SLC12A6: variants seen among roughly 807,000 people sequenced by gnomAD.
SLC12A6 encodes the protein solute carrier family 12 member 6.
Under a neutral mutation model 135.3 loss-of-function variants are expected in SLC12A6, and 66 were observed. The observed-to-expected ratio is 0.49, with a 90% confidence interval of 0.40 to 0.60. The LOEUF (loss-of-function observed/expected upper bound fraction) is 0.60. Ranked by LOEUF, SLC12A6 falls within the 20% of genes least tolerant of loss-of-function variation. SLC12A6 has a pLI of 0.00. For synonymous variants in SLC12A6, 513 were observed against 508.8 expected (o/e 1.01, Z -0.11); for missense variants, 1,058 against 1,452.3 (o/e 0.73, Z 4.41).
chr15:34,263,659 G>GA (rs952652853), intron 3 of SLC12A6, among the ~76,000 whole-genome samples: 19 of 146,916 alleles, frequency 1.3e-4, no homozygotes, highest in East Asian at 7.9e-4. Context: ...GGAGAGAAGA[G>GA]AAAAAAAAAC....
In SLC12A6 at chr15:34,230,756, C is replaced by G. The variant is rs1890869973; in HGVS notation, c.*3125G>C. Reference sequence around the variant, plus strand: ...TTGGAGACAGACAACGTAAGCAACACATACACACATGAAATACTCTAGACA... The same window carrying G: ...TTGGAGACAGACAACGTAAGCAACAGATACACACATGAAATACTCTAGACA... On this transcript the variant is annotated 3_prime_UTR_variant, in exon 26 of 26. Transcript: ENST00000354181. 6.6e-6 allele frequency: 1 copy of G among 152,648 alleles called. No individual in the cohort carries two copies. The highest frequency in any genetic ancestry group is 2.4e-5 in the African/African-American group (1 of 41,444). 9.5% of individuals were successfully genotyped at this position (152,648 alleles called of 1,614,324 possible).
chr15:34,316,445 T>C (rs1220650980), intron 2 of SLC12A6, among the ~76,000 whole-genome samples: 1 of 152,208 alleles, frequency 6.6e-6, no homozygotes, highest in Admixed American at 6.5e-5. Flanking sequence ...ATTTCCCTCC[T>C]TCCTACCCTT....
Position 34,238,997 on chromosome 15 carries a change from C to T in SLC12A6, c.2600G>A (p.Ser867Asn), listed in dbSNP as rs1288312808. 6.2e-7 allele frequency: 1 copy of T among 1,614,196 alleles called. No individual in the cohort carries two copies. The highest frequency in any genetic ancestry group is 2.2e-5 in the East Asian group (1 of 44,878). ...VMGWPNGWRQ[S>N]EDARAWKTFI... ...AGTCTTCCAAGCGCGGGCATCTTCGCTTTGACGCCAGCCATTAGGCCAGCC... is the reference window on the plus strand; with the variant it reads ...AGTCTTCCAAGCGCGGGCATCTTCGTTTTGACGCCAGCCATTAGGCCAGCC... The change falls in exon 20 of 26, where the codon AGC becomes AAC. Residue 867 changes from serine (S) to asparagine (N), a missense_variant. Around this residue, in one of 6 missense-constraint regions of SLC12A6, gnomAD observed 245 missense variants for 440.8 expected, o/e 0.56. Transcript: ENST00000354181.
At chr15:34,268,314 G>C (rs1893665163) in intron 3 of SLC12A6, among the ~76,000 whole-genome samples, 1 of 152,150 alleles carries the variant, frequency 6.6e-6, no homozygotes, top group African/African-American at 2.4e-5. Context: ...AAAGGTAGAA[G>C]AATATCCCTG....
At chr15:34,291,522 TTGGCC>T (rs1391973024) in intron 2 of SLC12A6, among the ~76,000 whole-genome samples, 4 of 152,230 alleles carry the variant, frequency 2.6e-5, no homozygotes, top group African/African-American at 9.6e-5. Context: ...AATTTGAATG[TTGGCC>T]TGCCTTGCTA....
intron 2 of SLC12A6, among the ~76,000 whole-genome samples, chr15:34,307,460 A>T (rs1896674842): frequency 6.6e-6 from 1 of 152,182 alleles, no homozygotes; most frequent in Admixed American, 6.5e-5. Context: ...GATAAATACC[A>T]ATTATTTTTC....
chr15:34,335,717 ATGAGCCAGGAG>A (rs1890153283), intron 2 of SLC12A6, among the ~76,000 whole-genome samples: 1 of 152,206 alleles, frequency 6.6e-6, no homozygotes, highest in South Asian at 2.1e-4. Context: ...AGCAGTCAAC[ATGAGCCAGGAG>A]TGGCTTGTGT....
At chr15:34,243,868 T>A (rs374268093) in intron 16 of SLC12A6, 106 bp downstream of exon 16, 2 of 771,442 alleles carry the variant, frequency 2.6e-6, no homozygotes, top group Middle Eastern at 2.3e-4. Context: ...ATGAAATGGC[T>A]GACCAAGAAA....
intron 12 of SLC12A6, 114 bp from the exon 13 acceptor site, chr15:34,250,469 A>C (rs1175546235): frequency 1.2e-6 from 1 of 869,332 alleles, no homozygotes; most frequent in Non-Finnish European, 2.0e-6. Flanking sequence ...ATACTCCTAT[A>C]AATTCTTTTT....
Position 34,336,796 on chromosome 15 carries a change from C to T in SLC12A6, c.-72-44G>A, listed in dbSNP as rs889284166. The T allele has an allele frequency of 4.9e-6, 4 of 820,682 alleles. No homozygotes were observed. In the African/African-American group the frequency reaches 5.1e-5, roughly 10 times the overall value. 50.8% of individuals were successfully genotyped at this position (820,682 alleles called of 1,614,324 possible). Reference sequence around the variant, plus strand: ...CTTGAAAAATAACACATTTCAATAACCTTGATTCACACCACACAAAAAGCC... The same window carrying T: ...CTTGAAAAATAACACATTTCAATAATCTTGATTCACACCACACAAAAAGCC... On this transcript the variant is annotated intron_variant, in intron 1 of 25. Transcript: ENST00000354181.
intron 2 of SLC12A6, among the ~76,000 whole-genome samples, chr15:34,281,571 C>T (rs144127630): frequency 1.4e-4 from 22 of 152,258 alleles, no homozygotes; most frequent in South Asian, 1.0e-3. Context: ...GAGTGGATCA[C>T]GAGGTCAGGA....
intron 2 of SLC12A6, among the ~76,000 whole-genome samples, chr15:34,334,186 C>T (rs1024222172): frequency 2.6e-5 from 4 of 151,466 alleles, no homozygotes; most frequent in Admixed American, 2.0e-4. Context: ...CAGGAAGAAA[C>T]GTGGGAGGCA....
chr15:34,303,247 G>C (rs980135672), intron 2 of SLC12A6, among the ~76,000 whole-genome samples: 1 of 152,044 alleles, frequency 6.6e-6, no homozygotes, highest in African/African-American at 2.4e-5. Context: ...ACAGTCAAAG[G>C]TTAACTGCTT....
At chr15:34,245,668 G>A (rs1338593742) in intron 14 of SLC12A6, 25 bp downstream of exon 14, 2 of 1,585,664 alleles carry the variant, frequency 1.3e-6, no homozygotes, top group Non-Finnish European at 1.7e-6. Context: ...AAAAAAAGAA[G>A]AGGGCATAAT....
Position 34,240,755 on chromosome 15 carries a change from G to A in SLC12A6, c.2342C>T (p.Ser781Leu). ...GAGACCTTTTCCTGCTTTGAGCTGT[G>A]AGGCAAAGGTGAGGAGGCGAGGATG... is the stretch of plus-strand genomic sequence containing the variant. Reference protein sequence around the residue: ...VKHPRLLTFASQLKAGKGLTI... With the variant: ...VKHPRLLTFALQLKAGKGLTI... The change falls in exon 19 of 26, where the codon TCA becomes TTA. Residue 781 changes from serine to leucine, a missense_variant. Ser to Leu is a moderately radical substitution (Grantham distance 145, BLOSUM62 -2). Coordinates refer to ENST00000354181, the MANE Select transcript of SLC12A6 (RefSeq NM_001365088.1). The A allele has an allele frequency of 1.2e-6, 2 of 1,613,818 alleles. No individual in the cohort carries two copies. The highest frequency in any genetic ancestry group is 1.7e-6 in the Non-Finnish European group (2 of 1,179,664).
intron 2 of SLC12A6, among the ~76,000 whole-genome samples, chr15:34,323,049 G>GA (rs1233499571): frequency 2.1e-5 from 3 of 144,922 alleles, no homozygotes; most frequent in African/African-American, 7.7e-5. Flanking sequence ...ATAAAATGTT[G>GA]AAAAAATACA....
chr15:34,243,634 C>T (rs909841908), intron 16 of SLC12A6, among the ~76,000 whole-genome samples: 1 of 152,096 alleles, frequency 6.6e-6, no homozygotes, highest in African/African-American at 2.4e-5. Flanking sequence ...AATAGTAGAG[C>T]TGAGATTGGA....
intron 2 of SLC12A6, among the ~76,000 whole-genome samples, chr15:34,309,459 G>A (rs1711953242): frequency 6.6e-6 from 1 of 152,048 alleles, no homozygotes; most frequent in African/African-American, 2.4e-5. Context: ...TGTATCTCTT[G>A]TGGGGCAAAA....
chr15:34,323,572 C>G (rs757431177), intron 2 of SLC12A6, among the ~76,000 whole-genome samples: 13 of 152,184 alleles, frequency 8.5e-5, no homozygotes, highest in South Asian at 2.1e-4. Context: ...CAAAACCATG[C>G]CTGTCCCCGA....
Sources: allele counts gnomAD v4.1 joint callset (sites outside exome capture counted in the v4.1 genomes callset), GRCh38; gene constraint gnomAD v4.1.1; regional missense constraint gnomAD v4.1.1; transcripts MANE v1.5; gene names NCBI Gene and HGNC (gene_info 2026-07-23, HGNC 2026-07-21).